PPP2R3A: variants seen among roughly 807,000 people sequenced by gnomAD.
The protein encoded by PPP2R3A is serine/threonine-protein phosphatase 2A regulatory subunit B'' subunit alpha.
PPP2R3A carries 80 observed loss-of-function variants against 106.9 expected under a neutral mutation model. That is an observed-to-expected ratio of 0.75 (90% CI 0.62 to 0.90). The LOEUF is 0.90. Among genes scored for constraint, PPP2R3A ranks in the 40% least tolerant of loss-of-function variants. The pLI, the probability that PPP2R3A is intolerant of heterozygous loss-of-function variation, is 0.00. For missense variants in PPP2R3A, 1,386 were observed against 1,350.4 expected (o/e 1.03, Z -0.41); for synonymous variants, 483 against 468.3 (o/e 1.03, Z -0.41).
intron 13 of PPP2R3A, among the ~76,000 whole-genome samples, chr3:136,120,461 G>A (rs552952268): frequency 1.3e-5 from 2 of 152,036 alleles, no homozygotes; most frequent in African/African-American, 2.4e-5. Context: ...GGTGGTGTGC[G>A]CCTGTAGTCC....
At chr3:135,983,068 A>T (rs542037690) in intron 1 of PPP2R3A, among the ~76,000 whole-genome samples, 1 of 152,330 alleles carries the variant, frequency 6.6e-6, no homozygotes, top group East Asian at 1.9e-4. Flanking sequence ...AATAGAGGGC[A>T]TCAGTGGGGT....
intron 13 of PPP2R3A, among the ~76,000 whole-genome samples, chr3:136,110,568 G>A (rs369384500): frequency 6.6e-6 from 1 of 152,164 alleles, no homozygotes; most frequent in East Asian, 1.9e-4. Context: ...CACAGGAGAA[G>A]GAATCAGCAA....
At position 136,003,355 on chromosome 3, in the gene PPP2R3A, G is replaced by A. The variant is rs955095728; in HGVS notation, c.1857G>A (p.Lys619=). 1.2e-6 allele frequency: 2 copies of A among 1,613,832 alleles called. No homozygotes were observed. The highest frequency in any genetic ancestry group is 1.3e-5 in the African/African-American group (1 of 74,908). Residue 619 remains lysine, a synonymous_variant, in exon 2 of 14, where the codon AAG becomes AAA. Coordinates refer to ENST00000264977, the MANE Select transcript of PPP2R3A (RefSeq NM_002718.5). The part of the protein sequence containing the change: ...KSSRGSLSQE[K]EMMQILQETL... ...GCAGAGGGAGCCTATCACAAGAAAA[G>A]GAAATGATGCAAATTCTACAGGAAA...
chr3:136,070,538 C>CGCTA lies in PPP2R3A; in HGVS notation c.2531_2534dup (p.Tyr845Ter). The CGCTA allele has an allele frequency of 6.2e-7, 1 of 1,610,204 alleles. No homozygotes were observed. Among genetic ancestry groups the CGCTA allele is most frequent in the Non-Finnish European group, 8.5e-7 (1 of 1,178,480 alleles). ...GAAAGATGCTCCAGAATTCCACTCC[C>CGCTA]GCTACATCACCACGGTAGGCTGAGT... On this transcript the variant is annotated stop_gained and frameshift_variant, in exon 6 of 14. Transcript: ENST00000264977. LOFTEE classifies it high-confidence loss of function.
chr3:135,993,503 A>G (rs768489165), intron 1 of PPP2R3A, among the ~76,000 whole-genome samples: 85 of 152,340 alleles, frequency 5.6e-4, no homozygotes, highest in Admixed American at 1.8e-3. Context: ...ATAAAGTTAA[A>G]TGTACATTTA....
intron 8 of PPP2R3A, among the ~76,000 whole-genome samples, chr3:136,087,243 G>C (rs919362428): frequency 2.7e-5 from 2 of 75,128 alleles, no homozygotes; most frequent in South Asian, 1.2e-3. Flanking sequence ...GTCTCTAGTC[G>C]TGTCTCTCTC....
At chr3:136,064,510 G>C (rs1936196245) in intron 5 of PPP2R3A, among the ~76,000 whole-genome samples, 1 of 152,082 alleles carries the variant, frequency 6.6e-6, no homozygotes, top group South Asian at 2.1e-4. Context: ...GGATATGTCA[G>C]GAAATGGTTG....
Position 136,032,530 on chromosome 3 carries a change from A to AT in PPP2R3A, c.2262+5444dup, listed in dbSNP as rs745329334. Among the ~76,000 whole-genome samples, 165 of 143,948 alleles carry AT rather than the reference A, an allele frequency of 1.1e-3. 1 individual carries two copies. The highest frequency in any genetic ancestry group is 2.5e-3 in the Admixed American group (35 of 14,234). The allele number at this position is 143,948 out of a possible 152,430, so 94.4% of individuals were successfully genotyped here. On this transcript the variant is annotated intron_variant, in intron 3 of 13. Transcript: ENST00000264977. ...TTTTAATTAATTAATTTATTTATTT[A>AT]TTTTTTTTTTTTCCTGAGACGGAGT...
intron 2 of PPP2R3A, among the ~76,000 whole-genome samples, chr3:136,013,180 G>GTA (rs1553743235): frequency 2.1e-3 from 293 of 142,266 alleles, no homozygotes; most frequent in Middle Eastern, 3.6e-3. Flanking sequence ...GTGTGTGTGT[G>GTA]TGTATGTATG....
intron 13 of PPP2R3A, among the ~76,000 whole-genome samples, chr3:136,107,636 C>CTT (rs886763265): frequency 6.6e-6 from 1 of 151,922 alleles, no homozygotes; most frequent in Non-Finnish European, 1.5e-5. Flanking sequence ...TAAATATTAT[C>CTT]TTTTTTGAGG....
At chr3:136,009,865 T>C (rs1933983352) in intron 2 of PPP2R3A, among the ~76,000 whole-genome samples, 1 of 152,180 alleles carries the variant, frequency 6.6e-6, no homozygotes, top group Non-Finnish European at 1.5e-5. Context: ...CAGATTAAAT[T>C]GTGTTCTCTG....
intron 5 of PPP2R3A, among the ~76,000 whole-genome samples, chr3:136,054,951 A>T (rs890980526): frequency 2.0e-5 from 3 of 152,186 alleles, no homozygotes; most frequent in Non-Finnish European, 4.4e-5. Context: ...TGAGTTTTTT[A>T]TCTTTATATC....
intron 5 of PPP2R3A, 112 bp from the exon 6 acceptor site, chr3:136,070,366 A>C (rs1249015367): frequency 1.4e-6 from 1 of 710,522 alleles, no homozygotes; most frequent in African/African-American, 1.8e-5. Context: ...TGCATTATTC[A>C]TTATTGTAAA....
intron 1 of PPP2R3A, among the ~76,000 whole-genome samples, chr3:135,974,999 G>A (rs756675725): frequency 6.6e-6 from 1 of 152,196 alleles, no homozygotes; most frequent in Non-Finnish European, 1.5e-5. Flanking sequence ...GAATACTGCT[G>A]TTGTGAGTAC....
At chr3:136,006,027 G>T (rs1038443993) in intron 2 of PPP2R3A, among the ~76,000 whole-genome samples, 4 of 152,150 alleles carry the variant, frequency 2.6e-5, no homozygotes, top group Admixed American at 6.5e-5. Context: ...AGCATCACCT[G>T]TCCTGTGTTC....
At chr3:136,009,738 A>T (rs1236062237) in intron 2 of PPP2R3A, among the ~76,000 whole-genome samples, 1 of 152,166 alleles carries the variant, frequency 6.6e-6, no homozygotes, top group African/African-American at 2.4e-5. Flanking sequence ...ATTCTGATGC[A>T]TGATTATGCT....
chr3:136,024,682 A>C (rs1934585291), intron 2 of PPP2R3A, among the ~76,000 whole-genome samples: 1 of 152,170 alleles, frequency 6.6e-6, no homozygotes. Context: ...CCCTGCTGGC[A>C]CCAGTGGTCT....
intron 1 of PPP2R3A, among the ~76,000 whole-genome samples, chr3:135,976,577 A>G (rs1223639142): frequency 6.6e-6 from 1 of 152,210 alleles, no homozygotes; most frequent in African/African-American, 2.4e-5. Flanking sequence ...ACTTAAATAA[A>G]TAAACTCTAG....
At chr3:136,028,955 C>T (rs370397716) in intron 3 of PPP2R3A, among the ~76,000 whole-genome samples, 6 of 152,194 alleles carry the variant, frequency 3.9e-5, no homozygotes, top group Non-Finnish European at 5.9e-5. Context: ...CAGATTCAAG[C>T]GATTCTCCTG....
Sources: allele counts gnomAD v4.1 joint callset (sites outside exome capture counted in the v4.1 genomes callset), GRCh38; gene constraint gnomAD v4.1.1; transcripts MANE v1.5; gene names NCBI Gene and HGNC (gene_info 2026-07-23, HGNC 2026-07-21).